The following SPIDR variants were observed in gnomAD, a reference collection of about 807,000 sequenced individuals.
SPIDR encodes the protein DNA repair-scaffolding protein.
A neutral mutation model predicts 104.6 loss-of-function variants in SPIDR; 93 were observed. The ratio of observed to expected loss-of-function variants is 0.89; its 90% CI spans 0.75 to 1.06. SPIDR has a LOEUF of 1.06. SPIDR is among the 50% of genes least tolerant of loss of function. SPIDR has a pLI of 0.00. For synonymous variants in SPIDR, 431 were observed against 416.9 expected, an observed-to-expected ratio of 1.03 and a Z score of -0.41; for missense variants, 1,154 against 1,111.2, an observed-to-expected ratio of 1.04 and a Z score of -0.55.
At chr8:47,626,194 G>T (rs2154438446) in intron 10 of SPIDR, among the ~76,000 whole-genome samples, 1 of 152,296 alleles carries the variant, frequency 6.6e-6, no homozygotes, top group African/African-American at 2.4e-5. Context: ...TATGTAGAAA[G>T]CTGAAACTGG....
rs576990205 is a variant in SPIDR at position 47,392,760 on chromosome 8, C to T, written c.526-3616C>T. On this transcript the variant is annotated intron_variant, in intron 5 of 19. Transcript: ENST00000297423. Reference sequence around the variant, plus strand: ...AGCTGAGCACATGTACCTTTTTATGCCATCCTTTCTGGGAAAGAAAATTAA... The same window carrying T: ...AGCTGAGCACATGTACCTTTTTATGTCATCCTTTCTGGGAAAGAAAATTAA... 3.9e-5 allele frequency among the ~76,000 whole-genome samples: 6 copies of T among 152,298 alleles called. No homozygotes were observed. The East Asian group carries it at 7.7e-4, about 20-fold the overall frequency.
chr8:47,486,939 T>C (rs972595276), intron 8 of SPIDR, among the ~76,000 whole-genome samples: 1 of 152,018 alleles, frequency 6.6e-6, no homozygotes, highest in African/African-American at 2.4e-5. Flanking sequence ...GAAACTGCAT[T>C]AACTAACGAG....
At chr8:47,287,587 A>C (rs1319096605) in intron 3 of SPIDR, among the ~76,000 whole-genome samples, 1 of 152,084 alleles carries the variant, frequency 6.6e-6, no homozygotes, top group Non-Finnish European at 1.5e-5. Context: ...ATTAATTATT[A>C]ATATTCCTTG....
intron 6 of SPIDR, 126 bp from the exon 7 acceptor site, chr8:47,407,735 A>C (rs1554668182): frequency 4.2e-6 from 2 of 476,678 alleles, no homozygotes; most frequent in Non-Finnish European, 7.3e-6. Flanking sequence ...GTGGTAACAA[A>C]TATACGTTAA....
rs966592662 is a variant in SPIDR at position 47,274,757 on chromosome 8, G to A, written c.34-5105G>A. 2.0e-5 allele frequency among the ~76,000 whole-genome samples: 3 copies of A among 151,490 alleles called. No homozygotes were observed. In the South Asian group the frequency reaches 6.3e-4, roughly 32 times the overall value. ...CACCCGGCTAATTTTTGTATTTTTA[G>A]TAGAGACGGGTTTTCACCAGATTGG... On this transcript the variant is annotated intron_variant, in intron 1 of 19. Transcript: ENST00000297423.
In SPIDR at chr8:47,712,765, T is replaced by A; in HGVS notation, c.2081T>A (p.Leu694Gln). ...AGAGACCCCAGGCTCCCCAAAACCCTGCTGGTCTATGTGGCCCCCTTGTGT... is the reference window on the plus strand; with the variant it reads ...AGAGACCCCAGGCTCCCCAAAACCCAGCTGGTCTATGTGGCCCCCTTGTGT... ...EERDPRLPKT[L>Q]LVYVAPLCVL... The change falls in exon 15 of 20, where the codon CTG becomes CAG. Residue 694 changes from leucine (L) to glutamine (Q), a missense_variant. Transcript: ENST00000297423. 1 of 1,614,146 alleles carries A rather than the reference T, an allele frequency of 6.2e-7. No homozygotes were observed. Among genetic ancestry groups the A allele is most frequent in the Non-Finnish European group, 8.5e-7 (1 of 1,180,022 alleles).
chr8:47,527,457 G>C (rs563621467), intron 8 of SPIDR: 1 of 152,414 alleles, frequency 6.6e-6, no homozygotes, highest in South Asian at 2.1e-4. Flanking sequence ...CATCAGCAAG[G>C]CTCCTGTGTA....
chr8:47,603,540 G>T (rs962210979), intron 10 of SPIDR, among the ~76,000 whole-genome samples: 1 of 151,110 alleles, frequency 6.6e-6, no homozygotes, highest in African/African-American at 2.4e-5. Context: ...CCACAGGCAC[G>T]TGCCACCATA....
At chr8:47,709,735 T>A (rs2081580887) in intron 14 of SPIDR, among the ~76,000 whole-genome samples, 1 of 152,094 alleles carries the variant, frequency 6.6e-6, no homozygotes, top group Non-Finnish European at 1.5e-5. Flanking sequence ...TCAAAGGAGA[T>A]TAGAACATTT....
In SPIDR at chr8:47,595,947, A is replaced by C. The variant is rs759738176; in HGVS notation, c.1234A>C (p.Ile412Leu). Residue 412 changes from isoleucine (I) to leucine (L), a missense_variant, in exon 9 of 20, where the codon ATC (isoleucine) becomes CTC (leucine). Transcript: ENST00000297423. ...CPDIPLPRRS[I>L]SLAQMFVIKG... is the part of the protein sequence containing the mutation. Reference sequence around the variant, plus strand: ...GGACATACCCCTTCCAAGAAGAAGCATCTCTTTGGCCCAGATGTTTGTAAT... The same window carrying C: ...GGACATACCCCTTCCAAGAAGAAGCCTCTCTTTGGCCCAGATGTTTGTAAT... 2 of 1,614,168 alleles carry C rather than the reference A, an allele frequency of 1.2e-6. No homozygotes were observed. The highest frequency in any genetic ancestry group is 8.5e-7 in the Non-Finnish European group (1 of 1,180,028).
intron 5 of SPIDR, among the ~76,000 whole-genome samples, chr8:47,378,188 G>A (rs1030310969): frequency 1.3e-5 from 2 of 152,130 alleles, no homozygotes; most frequent in African/African-American, 2.4e-5. Flanking sequence ...TCATGTTCTT[G>A]CATGAATATC....
chr8:47,657,394 G>A (rs1267152938), intron 10 of SPIDR, among the ~76,000 whole-genome samples: 1 of 152,134 alleles, frequency 6.6e-6, no homozygotes, highest in Non-Finnish European at 1.5e-5. Flanking sequence ...TTTTTCTGAT[G>A]TTAGTCATGA....
intron 10 of SPIDR, among the ~76,000 whole-genome samples, chr8:47,631,061 G>A (rs184524257): frequency 5.3e-5 from 8 of 152,274 alleles, no homozygotes; most frequent in Non-Finnish European, 1.0e-4. Context: ...AGGGAGGGAC[G>A]GAGAGAGACA....
chr8:47,449,460 C>G (rs2154347666), intron 8 of SPIDR, among the ~76,000 whole-genome samples: 1 of 152,254 alleles, frequency 6.6e-6, no homozygotes, highest in South Asian at 2.1e-4. Context: ...GCCCATGGGC[C>G]TATTCACAAC....
chr8:47,291,964 A>G (rs950812371), intron 4 of SPIDR, among the ~76,000 whole-genome samples: 9 of 152,108 alleles, frequency 5.9e-5, no homozygotes, highest in African/African-American at 1.7e-4. Flanking sequence ...ACACCTTCCT[A>G]TGCCTGTAGG....
chr8:47,298,220 A>G (rs2041281529), intron 5 of SPIDR, among the ~76,000 whole-genome samples: 1 of 152,196 alleles, frequency 6.6e-6, no homozygotes, highest in East Asian at 1.9e-4. Flanking sequence ...GATGATGAGC[A>G]TCTTTTCACG....
chr8:47,732,088 G>T, intron 19 of SPIDR: 1 of 700,856 alleles, frequency 1.4e-6, no homozygotes, highest in South Asian at 1.5e-5. Flanking sequence ...TCCAGCAATG[G>T]ACAGTGCTTG....
intron 7 of SPIDR, among the ~76,000 whole-genome samples, chr8:47,426,602 A>C (rs2066455489): frequency 6.6e-6 from 1 of 152,202 alleles, no homozygotes; most frequent in Non-Finnish European, 1.5e-5. Context: ...AAGATGTTTT[A>C]ATAACTGTCT....
chr8:47,291,882 AT>A (rs1262459648), intron 4 of SPIDR, among the ~76,000 whole-genome samples: 1 of 152,202 alleles, frequency 6.6e-6, no homozygotes, highest in Non-Finnish European at 1.5e-5. Flanking sequence ...GTTTTAGACA[AT>A]TGAAAGCAGA....
Sources: allele counts gnomAD v4.1 joint callset (sites outside exome capture counted in the v4.1 genomes callset), GRCh38; gene constraint gnomAD v4.1.1; transcripts MANE v1.5; gene names NCBI Gene and HGNC (gene_info 2026-07-23, HGNC 2026-07-21).